KLHL4: variants seen among roughly 807,000 people sequenced by gnomAD.
KLHL4 encodes the protein kelch-like protein 4.
In KLHL4, 17 loss-of-function variants were observed where a neutral mutation model predicts 45.8. The observed-to-expected ratio is 0.37, with a 90% confidence interval of 0.25 to 0.56. The LOEUF (loss-of-function observed/expected upper bound fraction) is 0.56. KLHL4 is among the 20% of genes least tolerant of loss of function. The pLI, the probability that KLHL4 is intolerant of heterozygous loss-of-function variation, is 0.79. For missense variants in KLHL4, 544 were observed against 544.9 expected (o/e 1.00, Z 0.02); for synonymous variants, 224 against 189.9 (o/e 1.18, Z -1.47).
In KLHL4 at chrX:87,530,885, C is replaced by T. The variant is rs1383857298; in HGVS notation, c.422+12570C>T. Among the ~76,000 whole-genome samples the T allele has an allele frequency of 5.1e-3, 556 of 110,057 alleles. 1 individual carries two copies. Among genetic ancestry groups the T allele is most frequent in the African/African-American group, 0.017 (523 of 29,988 alleles). On this transcript the variant is annotated intron_variant, in intron 1 of 10. Coordinates refer to ENST00000373119, the MANE Select transcript of KLHL4 (RefSeq NM_019117.5). ...TGGTTGAACTAGTTTACAGTCCCAC[C>T]AACAGTGTAAAAGTGTTCCTTTTTC... is the stretch of plus-strand genomic sequence containing the variant.
intron 9 of KLHL4, among the ~76,000 whole-genome samples, chrX:87,654,194 A>G (rs775635604): frequency 3.7e-4 from 42 of 112,007 alleles, no homozygotes; most frequent in Non-Finnish European, 7.5e-4. Context: ...GTTTTGCAAC[A>G]TGGACCTATT....
chrX:87,557,525 G>A (rs910623577), intron 1 of KLHL4, among the ~76,000 whole-genome samples: 6 of 111,596 alleles, frequency 5.4e-5, no homozygotes, highest in South Asian at 3.7e-4. Flanking sequence ...ACTCTGATGC[G>A]ATGTCTTATA....
intron 1 of KLHL4, among the ~76,000 whole-genome samples, chrX:87,551,961 T>C (rs1449768764): frequency 1.8e-5 from 2 of 111,576 alleles, no homozygotes; most frequent in African/African-American, 3.2e-5. Flanking sequence ...GAAGTTAACA[T>C]AGGAAGAACT....
chrX:87,587,751 T>G (rs967407749), intron 1 of KLHL4, among the ~76,000 whole-genome samples: 7 of 110,994 alleles, frequency 6.3e-5, no homozygotes, highest in Admixed American at 2.9e-4. Flanking sequence ...ACACGAAAAG[T>G]TTACCTGCTG....
At chrX:87,522,413 T>A (rs1187218405) in intron 1 of KLHL4, among the ~76,000 whole-genome samples, 2 of 112,212 alleles carry the variant, frequency 1.8e-5, no homozygotes, top group Non-Finnish European at 3.8e-5. Flanking sequence ...GCACTTTACA[T>A]ATATTTTCTC....
At chrX:87,607,493 A>G (rs1922235746) in intron 1 of KLHL4, among the ~76,000 whole-genome samples, 1 of 111,702 alleles carries the variant, frequency 9.0e-6, no homozygotes, top group South Asian at 3.7e-4. Context: ...CATAATCAGA[A>G]TCACATACCT....
At chrX:87,589,321 G>T (rs1200763559) in intron 1 of KLHL4, among the ~76,000 whole-genome samples, 1 of 111,805 alleles carries the variant, frequency 8.9e-6, no homozygotes, top group Non-Finnish European at 1.9e-5. Flanking sequence ...ATACAGAAAA[G>T]AAAGGAAATC....
At chrX:87,620,047 C>T (rs1922697225) in intron 4 of KLHL4, among the ~76,000 whole-genome samples, 1 of 111,527 alleles carries the variant, frequency 9.0e-6, no homozygotes, top group African/African-American at 3.3e-5. Flanking sequence ...ACTCAGAATG[C>T]TATTTGGCCA....
At chrX:87,582,183 G>A (rs1227583860) in intron 1 of KLHL4, among the ~76,000 whole-genome samples, 1 of 111,827 alleles carries the variant, frequency 8.9e-6, no homozygotes, top group Non-Finnish European at 1.9e-5. Context: ...AGGACAACAA[G>A]TTAATAAGTA....
intron 1 of KLHL4, among the ~76,000 whole-genome samples, chrX:87,582,244 A>G (rs759685099): frequency 1.8e-5 from 2 of 111,127 alleles, no homozygotes; most frequent in African/African-American, 6.5e-5. Flanking sequence ...GTGAGCACTC[A>G]TGGTACCTGG....
Position 87,667,432 on chromosome X carries a change from G to C in KLHL4, c.*898G>C. On this transcript the variant is annotated 3_prime_UTR_variant, in exon 11 of 11. Transcript: ENST00000373119. ...TTTCAAAAACAAAACAATTTTTAAA[G>C]TACCTTAAAATTGAGGATGTTACTC... 1.4e-6 allele frequency: 1 copy of C among 696,234 alleles called. No individual in the cohort carries two copies. The highest frequency in any genetic ancestry group is 1.7e-6 in the Non-Finnish European group (1 of 587,082). 57.4% of individuals were successfully genotyped at this position (696,234 alleles called of 1,213,427 possible).
At chrX:87,611,156 T>C (rs1255106400) in intron 1 of KLHL4, among the ~76,000 whole-genome samples, 1 of 112,054 alleles carries the variant, frequency 8.9e-6, no homozygotes, top group Non-Finnish European at 1.9e-5. Flanking sequence ...TGTTAATGAA[T>C]CTGAAAATAT....
At chrX:87,616,365 C>G (rs1336521656) in intron 3 of KLHL4, among the ~76,000 whole-genome samples, 1 of 111,441 alleles carries the variant, frequency 9.0e-6, no homozygotes, top group African/African-American at 3.2e-5. Flanking sequence ...TCCTGACAAG[C>G]CTTTAAGCAA....
chrX:87,541,522 G>A (rs13440533), intron 1 of KLHL4, among the ~76,000 whole-genome samples: 22,415 of 100,798 alleles, frequency 0.22, 2,551 homozygotes, highest in East Asian at 0.51. Flanking sequence ...AAAGGTGGCA[G>A]TTTCCTCTGC....
intron 1 of KLHL4, among the ~76,000 whole-genome samples, chrX:87,587,150 CA>C (rs1197848253): frequency 0.065 from 3,123 of 47,755 alleles, 60 homozygotes; most frequent in Middle Eastern, 0.12. Context: ...TAAAATAAAG[CA>C]AAAAAAAAAA....
At chrX:87,588,445 GAC>G in intron 1 of KLHL4, among the ~76,000 whole-genome samples, 1 of 111,228 alleles carries the variant, frequency 9.0e-6, no homozygotes, top group Middle Eastern at 4.7e-3. Context: ...TGTAAAAACA[GAC>G]ACATAGACCA....
chrX:87,601,046 C>G (rs1300268661), intron 1 of KLHL4, among the ~76,000 whole-genome samples: 2 of 111,301 alleles, frequency 1.8e-5, no homozygotes, highest in Admixed American at 1.9e-4. Context: ...GTCGCAGCAC[C>G]GAAGTATGTT....
At chrX:87,535,198 T>G (rs1931403199) in intron 1 of KLHL4, among the ~76,000 whole-genome samples, 1 of 111,827 alleles carries the variant, frequency 8.9e-6, no homozygotes, top group South Asian at 3.7e-4. Flanking sequence ...ATTAGCATTT[T>G]AGAAGTAGAA....
chrX:87,582,295 G>GA (rs34462931), intron 1 of KLHL4, among the ~76,000 whole-genome samples: 13 of 110,594 alleles, frequency 1.2e-4, no homozygotes, highest in South Asian at 1.2e-3. Context: ...CTAAGAGATA[G>GA]AAAAAAACAG....
Sources: allele counts gnomAD v4.1 joint callset (sites outside exome capture counted in the v4.1 genomes callset), GRCh38; gene constraint gnomAD v4.1.1; transcripts MANE v1.5; gene names NCBI Gene and HGNC (gene_info 2026-07-23, HGNC 2026-07-21).